PAPPA2: variants seen among roughly 807,000 people sequenced by gnomAD.
PAPPA2 encodes pappalysin 2.
A neutral mutation model predicts 176.4 loss-of-function variants in PAPPA2; 86 were observed. The ratio of observed to expected loss-of-function variants is 0.49; its 90% CI spans 0.41 to 0.58. The LOEUF (loss-of-function observed/expected upper bound fraction) is 0.58. Among genes scored for constraint, PAPPA2 ranks in the 20% least tolerant of loss-of-function variants. The pLI, the probability that PAPPA2 is intolerant of heterozygous loss-of-function variation, is 0.00. For missense variants in PAPPA2, 2,073 were observed against 2,256.9 expected (o/e 0.92, Z 1.65); for synonymous variants, 809 against 852.2 (o/e 0.95, Z 0.88).
At chr1:176,600,508 C>G (rs1455890219) in intron 3 of PAPPA2, among the ~76,000 whole-genome samples, 1 of 151,468 alleles carries the variant, frequency 6.6e-6, no homozygotes, top group Admixed American at 6.6e-5. Context: ...AACCCCGTCT[C>G]TACTAAAAAT....
chr1:176,521,324 A>G (rs1052610979), intron 1 of PAPPA2, among the ~76,000 whole-genome samples: 1 of 152,094 alleles, frequency 6.6e-6, no homozygotes, highest in South Asian at 2.1e-4. Flanking sequence ...TTCACCTTTC[A>G]TGGAATGCTC....
chr1:176,664,203 A>G (rs1289627551), intron 3 of PAPPA2, among the ~76,000 whole-genome samples: 1 of 152,234 alleles, frequency 6.6e-6, no homozygotes, highest in East Asian at 1.9e-4. Context: ...TTAAGATAAC[A>G]TGAATGTATT....
intron 1 of PAPPA2, among the ~76,000 whole-genome samples, chr1:176,464,645 C>T (rs1005672505): frequency 6.6e-6 from 1 of 152,200 alleles, no homozygotes; most frequent in African/African-American, 2.4e-5. Flanking sequence ...CTAGCTGCCA[C>T]CAGCTCTTTG....
At chr1:176,684,200 G>A (rs1659724657) in intron 4 of PAPPA2, among the ~76,000 whole-genome samples, 1 of 152,174 alleles carries the variant, frequency 6.6e-6, no homozygotes, top group Non-Finnish European at 1.5e-5. Context: ...GAAAAGTCTG[G>A]CATTGTGAAT....
At chr1:176,600,792 C>T (rs961768522) in intron 3 of PAPPA2, among the ~76,000 whole-genome samples, 3 of 152,020 alleles carry the variant, frequency 2.0e-5, no homozygotes, top group Admixed American at 6.5e-5. Flanking sequence ...GAGTGGAGTG[C>T]TCCAGGCACA....
At chr1:176,612,816 G>C (rs1179446629) in intron 3 of PAPPA2, among the ~76,000 whole-genome samples, 1 of 152,164 alleles carries the variant, frequency 6.6e-6, no homozygotes, top group Non-Finnish European at 1.5e-5. Context: ...TTCTAGAAGG[G>C]TTAAAATAAT....
chr1:176,730,581 T>C (rs1437958323), intron 12 of PAPPA2, among the ~76,000 whole-genome samples: 1 of 149,178 alleles, frequency 6.7e-6, no homozygotes, highest in African/African-American at 2.5e-5. Context: ...TCTCGTTTTG[T>C]TCTCGTTTTT....
At chr1:176,683,993 G>A (rs990917792) in intron 4 of PAPPA2, among the ~76,000 whole-genome samples, 1 of 152,054 alleles carries the variant, frequency 6.6e-6, no homozygotes, top group African/African-American at 2.4e-5. Context: ...CTAAGCTAAT[G>A]TGGTAGTGGT....
At chr1:176,612,536 G>C (rs1215957565) in intron 3 of PAPPA2, among the ~76,000 whole-genome samples, 1 of 152,122 alleles carries the variant, frequency 6.6e-6, no homozygotes, top group Non-Finnish European at 1.5e-5. Context: ...GAGCTTCCCA[G>C]AATCACTACA....
rs200667738 is a variant in PAPPA2, at chr1:176,623,576, C to CTCCT, written c.1991+28027_1991+28030dup. Among the ~76,000 whole-genome samples, 191 of 84,984 alleles carry CTCCT rather than the reference C, an allele frequency of 2.2e-3. 2 individuals are homozygous for CTCCT. The highest frequency in any genetic ancestry group is 8.8e-3 in the African/African-American group (139 of 15,780). The allele number at this position is 84,984 out of a possible 152,430, so 55.8% of individuals were successfully genotyped here. ...ATTTTCCCCTTCCTTCCTTCCTTCCCTCCTTCCTTCCTTCCTTCCTTCCTT... is the reference window on the plus strand; with the variant it reads ...ATTTTCCCCTTCCTTCCTTCCTTCCCTCCTTCCTTCCTTCCTTCCTTCCTTCCTT... On this transcript the variant is annotated intron_variant, in intron 3 of 22. Coordinates refer to ENST00000367662, the MANE Select transcript of PAPPA2 (RefSeq NM_020318.3).
intron 18 of PAPPA2, among the ~76,000 whole-genome samples, chr1:176,790,957 C>G (rs1665149189): frequency 6.6e-6 from 1 of 152,162 alleles, no homozygotes; most frequent in Non-Finnish European, 1.5e-5. Context: ...TTGAAAAAAT[C>G]TGACATTTGC....
chr1:176,633,956 A>G (rs1656505463), intron 3 of PAPPA2, among the ~76,000 whole-genome samples: 1 of 152,214 alleles, frequency 6.6e-6, no homozygotes, highest in African/African-American at 2.4e-5. Context: ...GGTGCTGGAG[A>G]GGATGTGGAG....
intron 4 of PAPPA2, among the ~76,000 whole-genome samples, chr1:176,685,069 T>G (rs976913930): frequency 1.3e-5 from 2 of 150,106 alleles, no homozygotes; most frequent in African/African-American, 2.4e-5. Flanking sequence ...CAATTTATGG[T>G]CAGGCCCCAC....
chr1:176,657,601 G>C (rs1289302499), intron 3 of PAPPA2, among the ~76,000 whole-genome samples: 1 of 152,004 alleles, frequency 6.6e-6, no homozygotes, highest in Non-Finnish European at 1.5e-5. Context: ...ATTGAATGTG[G>C]TGTAGTCAGG....
At chr1:176,614,781 G>T (rs1202059008) in intron 3 of PAPPA2, among the ~76,000 whole-genome samples, 1 of 152,052 alleles carries the variant, frequency 6.6e-6, no homozygotes, top group African/African-American at 2.4e-5. Flanking sequence ...ACATCCCCAG[G>T]CAGTATAAAT....
chr1:176,835,920 C>A (rs1667254826), intron 21 of PAPPA2, among the ~76,000 whole-genome samples: 1 of 152,096 alleles, frequency 6.6e-6, no homozygotes, highest in Non-Finnish European at 1.5e-5. Flanking sequence ...CTAAGAGAGA[C>A]CTTGTGCTAG....
At chr1:176,590,473 A>G (rs79964957) in intron 2 of PAPPA2, among the ~76,000 whole-genome samples, 5,121 of 152,174 alleles carry the variant, frequency 0.034, 152 homozygotes, top group South Asian at 0.17. Flanking sequence ...CACTGGTTTT[A>G]TATCTAACTT....
intron 15 of PAPPA2, among the ~76,000 whole-genome samples, chr1:176,766,840 G>C (rs796960367): frequency 6.6e-6 from 1 of 152,006 alleles, no homozygotes; most frequent in South Asian, 2.1e-4. Context: ...AAAACAGAAA[G>C]ATGTGGTCTC....
intron 22 of PAPPA2, among the ~76,000 whole-genome samples, chr1:176,841,136 T>C (rs1231711110): frequency 6.6e-6 from 1 of 152,166 alleles, no homozygotes; most frequent in Non-Finnish European, 1.5e-5. Context: ...TTTGGCTGTC[T>C]TTTGCTCTAA....
Sources: gnomAD v4.1 joint callset for allele counts (sites outside exome capture counted in the v4.1 genomes callset) on GRCh38, gnomAD v4.1.1 for gene constraint, MANE v1.5 for transcripts, NCBI Gene and HGNC (gene_info 2026-07-23, HGNC 2026-07-21) for gene names.